The following FRMD4A variants were observed in gnomAD, a reference collection of about 807,000 sequenced individuals.
FRMD4A encodes the protein FERM domain containing 4A, also known as FERM domain-containing protein 4A.
FRMD4A carries 29 observed loss-of-function variants against 129.1 expected under a neutral mutation model. The observed-to-expected ratio is 0.22, with a 90% CI of 0.17 to 0.31. The LOEUF (loss-of-function observed/expected upper bound fraction) is 0.31. Ranked by LOEUF, FRMD4A falls within the 10% of genes least tolerant of loss-of-function variation. The pLI is 1.00. For missense variants in FRMD4A, 1,272 were observed against 1,375.8 expected (o/e 0.92, Z 1.19); for synonymous variants, 634 against 571.6 (o/e 1.11, Z -1.56).
intron 2 of FRMD4A, among the ~76,000 whole-genome samples, chr10:14,075,811 G>GA (rs1835560958): frequency 6.6e-6 from 1 of 151,898 alleles, no homozygotes; most frequent in Non-Finnish European, 1.5e-5. Context: ...ATTAATCTAG[G>GA]AATCAACAAA....
chr10:14,267,957 T>A (rs1046132907), intron 2 of FRMD4A, among the ~76,000 whole-genome samples: 4 of 152,302 alleles, frequency 2.6e-5, no homozygotes, highest in Non-Finnish European at 5.9e-5. Flanking sequence ...AAATCTAGCT[T>A]TGGTGTAGTC....
intron 2 of FRMD4A, among the ~76,000 whole-genome samples, chr10:14,284,806 A>T (rs1457491438): frequency 6.6e-6 from 1 of 152,202 alleles, no homozygotes; most frequent in Non-Finnish European, 1.5e-5. Context: ...ATATAGCTCC[A>T]GTCCTCATTC....
chr10:13,972,173 A>G (rs575326585), intron 2 of FRMD4A: 27 of 1,032,280 alleles, frequency 2.6e-5, no homozygotes, highest in Non-Finnish European at 2.9e-5. Context: ...AACTTAGGGA[A>G]GACCTCAGAC....
chr10:14,017,333 T>C (rs2095702422), intron 2 of FRMD4A, among the ~76,000 whole-genome samples: 1 of 152,228 alleles, frequency 6.6e-6, no homozygotes, highest in African/African-American at 2.4e-5. Flanking sequence ...CTAGCATTGA[T>C]TTGCCATGTT....
At chr10:13,764,163 T>G (rs901048340) in intron 6 of FRMD4A, among the ~76,000 whole-genome samples, 2 of 150,808 alleles carry the variant, frequency 1.3e-5, no homozygotes, top group Admixed American at 1.3e-4. Flanking sequence ...AATAAACATA[T>G]CGATCACATC....
intron 4 of FRMD4A, among the ~76,000 whole-genome samples, chr10:13,807,957 C>A (rs1564836827): frequency 1.3e-5 from 2 of 152,110 alleles, no homozygotes; most frequent in Non-Finnish European, 2.9e-5. Flanking sequence ...TGCCACCATG[C>A]CTGACTGATT....
At position 14,330,781 on chromosome 10, in the gene FRMD4A, C is replaced by T. The variant is rs1370169163; in HGVS notation, c.-266G>A. 5.0e-6 allele frequency: 2 copies of T among 398,682 alleles called. No homozygotes were observed. Among genetic ancestry groups the T allele is most frequent in the African/African-American group, 4.1e-5 (2 of 48,606 alleles). The allele number at this position is 398,682 out of a possible 1,614,324, so 24.7% of individuals were successfully genotyped here. On this transcript the variant is annotated 5_prime_UTR_variant, in exon 1 of 25. Transcript: ENST00000357447. ...TAGGAACTGACCCTTCCACCTTCCC[C>T]AGATCTACTTTTCCTCTCCAAGTAG...
intron 2 of FRMD4A, among the ~76,000 whole-genome samples, chr10:13,903,597 T>C (rs1245373440): frequency 6.6e-6 from 1 of 150,620 alleles, no homozygotes; most frequent in Non-Finnish European, 1.5e-5. Context: ...ATTAGCCAGG[T>C]GTAGTGATGC....
intron 4 of FRMD4A, among the ~76,000 whole-genome samples, chr10:13,800,815 C>T (rs2093236777): frequency 6.6e-6 from 1 of 152,220 alleles, no homozygotes; most frequent in Admixed American, 6.5e-5. Context: ...GATGGATTCC[C>T]CCTCTAGAAA....
intron 2 of FRMD4A, among the ~76,000 whole-genome samples, chr10:14,091,367 T>C (rs1369231989): frequency 6.6e-6 from 1 of 152,170 alleles, no homozygotes; most frequent in African/African-American, 2.4e-5. Context: ...GCTGTGTGTA[T>C]AAAGGTTTTT....
At chr10:14,278,914 T>G (rs1845427571) in intron 2 of FRMD4A, among the ~76,000 whole-genome samples, 1 of 152,214 alleles carries the variant, frequency 6.6e-6, no homozygotes, top group East Asian at 1.9e-4. Context: ...TTCTTTCTTC[T>G]AGCTAATCAC....
chr10:14,130,620 G>A (rs765476212), intron 2 of FRMD4A, among the ~76,000 whole-genome samples: 29 of 152,072 alleles, frequency 1.9e-4, no homozygotes, highest in South Asian at 4.2e-4. Flanking sequence ...AGCAGTCCCC[G>A]GTGATATTGG....
chr10:14,098,180 C>T (rs1837100600), intron 2 of FRMD4A, among the ~76,000 whole-genome samples: 1 of 145,672 alleles, frequency 6.9e-6, no homozygotes, highest in Non-Finnish European at 1.5e-5. Flanking sequence ...ATTTATTTTC[C>T]AAGTCTAGAA....
At chr10:14,052,099 G>A (rs984011044) in intron 2 of FRMD4A, among the ~76,000 whole-genome samples, 2 of 152,190 alleles carry the variant, frequency 1.3e-5, no homozygotes, top group East Asian at 1.9e-4. Context: ...AGGGATGGCA[G>A]TGAAGTGTCT....
At chr10:13,830,154 C>T (rs1419767155) in intron 3 of FRMD4A, among the ~76,000 whole-genome samples, 1 of 152,204 alleles carries the variant, frequency 6.6e-6, no homozygotes, top group Non-Finnish European at 1.5e-5. Flanking sequence ...GAGAAATCAT[C>T]TAAGGCCATG....
chr10:13,912,401 A>G (rs1376064625), intron 2 of FRMD4A, among the ~76,000 whole-genome samples: 1 of 152,226 alleles, frequency 6.6e-6, no homozygotes, highest in Non-Finnish European at 1.5e-5. Context: ...ATATATCCAC[A>G]GAAACTTGCA....
At chr10:14,189,006 A>T (rs1290807052) in intron 2 of FRMD4A, among the ~76,000 whole-genome samples, 1 of 152,184 alleles carries the variant, frequency 6.6e-6, no homozygotes, top group African/African-American at 2.4e-5. Context: ...TGCCTGTTTG[A>T]CATTTAGCTT....
chr10:14,082,880 T>C (rs1161196874), intron 2 of FRMD4A: 1 of 152,234 alleles, frequency 6.6e-6, no homozygotes, highest in Non-Finnish European at 1.5e-5. Flanking sequence ...TGTTCACTAT[T>C]TTGTTCCCAG....
Position 13,673,603 on chromosome 10 carries a change from CACAG to C in FRMD4A, c.1251+1304_1251+1307del, listed in dbSNP as rs1259607293. 5.9e-5 allele frequency among the ~76,000 whole-genome samples: 9 copies of C among 151,614 alleles called. No homozygotes were observed. The East Asian group carries it at 1.2e-3, about 20-fold the overall frequency. ...GTGCGCGCGCGCACACACACACACA[CACAG>C]AGTCATGTGTATTGCATTAAAACAT... On this transcript the variant is annotated intron_variant, in intron 16 of 24. Coordinates refer to ENST00000357447, the MANE Select transcript of FRMD4A (RefSeq NM_018027.5).
Sources: gnomAD v4.1 joint callset for allele counts (sites outside exome capture counted in the v4.1 genomes callset) on GRCh38, gnomAD v4.1.1 for gene constraint, MANE v1.5 for transcripts, NCBI Gene and HGNC (gene_info 2026-07-23, HGNC 2026-07-21) for gene names.